The following MYT1L variants were observed in gnomAD, a reference collection of about 807,000 sequenced individuals.
The protein encoded by MYT1L is myelin transcription factor 1-like protein.
A neutral mutation model predicts 126.7 loss-of-function variants in MYT1L; 12 were observed. The observed-to-expected ratio is 0.09, with a 90% confidence interval of 0.06 to 0.15. MYT1L has a LOEUF of 0.15. Ranked by LOEUF, MYT1L falls within the 10% of genes least tolerant of loss-of-function variation. The probability of loss-of-function intolerance (pLI) is 1.00; values close to 1 mark genes in which losing one functional copy is unlikely to be tolerated. For synonymous variants in MYT1L, 541 were observed against 604.2 expected (o/e 0.90, Z 1.53); for missense variants, 979 against 1,585.2 (o/e 0.62, Z 6.49).
At chr2:2,075,065 G>C (rs997192421) in intron 3 of MYT1L, among the ~76,000 whole-genome samples, 1 of 152,114 alleles carries the variant, frequency 6.6e-6, no homozygotes, top group Admixed American at 6.5e-5. Context: ...TTTCAAACCT[G>C]GGAGTCAAGC....
chr2:2,052,535 T>A (rs1291204141), intron 4 of MYT1L, among the ~76,000 whole-genome samples: 1 of 152,216 alleles, frequency 6.6e-6, no homozygotes, highest in African/African-American at 2.4e-5. Flanking sequence ...TTGCAAATCA[T>A]ATATATGATA....
chr2:1,905,297 AC>A (rs1323455572), intron 13 of MYT1L, among the ~76,000 whole-genome samples: 1 of 152,198 alleles, frequency 6.6e-6, no homozygotes, highest in Non-Finnish European at 1.5e-5. Flanking sequence ...GCAGGAAAAA[AC>A]AAAAGGTGGT....
intron 3 of MYT1L, among the ~76,000 whole-genome samples, chr2:2,150,574 A>G (rs1559153360): frequency 6.6e-6 from 1 of 152,204 alleles, no homozygotes; most frequent in Admixed American, 6.6e-5. Context: ...AGTTTTGACT[A>G]AATTACAATT....
chr2:1,863,635 G>A lies in MYT1L; in HGVS notation c.2712-11932C>T, dbSNP rs190531809. ...CGGAAGGATAGAAATGGCATGTCCC[G>A]CTCCAGCCCGACCCCAGGAGGGATA... On this transcript the variant is annotated intron_variant, in intron 18 of 24. Transcript: ENST00000647738. Among the ~76,000 whole-genome samples, 43 of 151,988 alleles carry A rather than the reference G, an allele frequency of 2.8e-4. 1 individual carries two copies. In the East Asian group the frequency reaches 7.0e-3, roughly 25 times the overall value.
At chr2:2,217,205 A>C (rs909427128) in intron 2 of MYT1L, among the ~76,000 whole-genome samples, 12 of 148,132 alleles carry the variant, frequency 8.1e-5, no homozygotes, top group Admixed American at 2.0e-4. Flanking sequence ...AAGATACCAC[A>C]AGATAAGAAA....
intron 3 of MYT1L, among the ~76,000 whole-genome samples, chr2:2,063,942 T>A (rs1194920657): frequency 6.6e-6 from 1 of 152,174 alleles, no homozygotes; most frequent in Non-Finnish European, 1.5e-5. Flanking sequence ...ACACTAAAGA[T>A]GTTAACACTA....
At position 1,867,384 on chromosome 2, in the gene MYT1L, C is replaced by T. The variant is rs145269066; in HGVS notation, c.2712-15681G>A. ...TGGCTCTCACCCCGGTGCCCCACAG[C>T]GCCCTTGCCTCCTGCCTATCCCATG... On this transcript the variant is annotated intron_variant, in intron 18 of 24. Transcript: ENST00000647738. Among the ~76,000 whole-genome samples the T allele has an allele frequency of 3.7e-3, 562 of 152,290 alleles. 2 individuals are homozygous for T. Among genetic ancestry groups the T allele is most frequent in the Non-Finnish European group, 3.7e-3 (250 of 68,016 alleles).
At chr2:1,936,479 G>A (rs565053572) in intron 9 of MYT1L, among the ~76,000 whole-genome samples, 21 of 152,250 alleles carry the variant, frequency 1.4e-4, no homozygotes, top group East Asian at 9.7e-4. Flanking sequence ...AAATGCCTCC[G>A]TGGATGCAGG....
intron 2 of MYT1L, among the ~76,000 whole-genome samples, chr2:2,235,729 A>G (rs2094280850): frequency 6.6e-6 from 1 of 152,164 alleles, no homozygotes; most frequent in Non-Finnish European, 1.5e-5. Context: ...TTGGTCATGT[A>G]CTAACTCCGG....
intron 9 of MYT1L, among the ~76,000 whole-genome samples, chr2:1,924,480 A>C (rs2053964410): frequency 6.6e-6 from 1 of 152,184 alleles, no homozygotes; most frequent in South Asian, 2.1e-4. Flanking sequence ...AGGTATATTG[A>C]CCTCTACAAA....
intron 2 of MYT1L, among the ~76,000 whole-genome samples, chr2:2,269,324 G>A (rs777909213): frequency 3.3e-5 from 5 of 152,168 alleles, no homozygotes; most frequent in African/African-American, 1.2e-4. Context: ...TGGACATGGT[G>A]GTTTACAAAG....
intron 3 of MYT1L, among the ~76,000 whole-genome samples, chr2:2,092,527 G>T (rs2077007740): frequency 6.6e-6 from 1 of 152,206 alleles, no homozygotes; most frequent in Non-Finnish European, 1.5e-5. Flanking sequence ...GCATGAGCAA[G>T]TGCTGTTGGA....
chr2:1,939,878 C>G lies in MYT1L; in HGVS notation c.505+3104G>C, dbSNP rs557570381. 5.3e-5 allele frequency among the ~76,000 whole-genome samples: 8 copies of G among 152,332 alleles called. No homozygotes were observed. The South Asian group carries it at 1.7e-3, about 32-fold the overall frequency. On this transcript the variant is annotated intron_variant, in intron 9 of 24. Coordinates refer to ENST00000647738, the MANE Select transcript of MYT1L (RefSeq NM_001303052.2). ...TCCTCCAATGGAGACGTCCTTCTCC[C>G]AGAGAAAGCCTTCGTGAGCGTGTCT... is the stretch of plus-strand genomic sequence containing the variant.
chr2:2,053,219 G>A (rs778131949), intron 4 of MYT1L, among the ~76,000 whole-genome samples: 3 of 152,224 alleles, frequency 2.0e-5, no homozygotes, highest in Admixed American at 6.5e-5. Flanking sequence ...CATATTCACA[G>A]AGAGAGAAAG....
At chr2:2,126,207 C>T (rs1379419861) in intron 3 of MYT1L, among the ~76,000 whole-genome samples, 2 of 152,154 alleles carry the variant, frequency 1.3e-5, no homozygotes, top group Non-Finnish European at 2.9e-5. Flanking sequence ...GCTCTAAGCC[C>T]ACGACTGCCT....
At chr2:2,050,288 A>G (rs1391215082) in intron 4 of MYT1L, among the ~76,000 whole-genome samples, 1 of 152,202 alleles carries the variant, frequency 6.6e-6, no homozygotes, top group Non-Finnish European at 1.5e-5. Flanking sequence ...GTCAAAGAAT[A>G]TAGATTTACA....
At chr2:2,275,716 A>T (rs960246423) in intron 2 of MYT1L, among the ~76,000 whole-genome samples, 20 of 152,142 alleles carry the variant, frequency 1.3e-4, no homozygotes, top group African/African-American at 4.3e-4. Context: ...CCACATATAC[A>T]CTGAGCATGC....
chr2:2,286,180 A>T (rs1013769711), intron 1 of MYT1L, among the ~76,000 whole-genome samples: 1 of 151,954 alleles, frequency 6.6e-6, no homozygotes, highest in African/African-American at 2.4e-5. Flanking sequence ...ACGGGGTTTC[A>T]CCATGTTGGT....
At chr2:1,903,948 T>TGC (rs1553309078) in intron 13 of MYT1L, among the ~76,000 whole-genome samples, 42 of 150,910 alleles carry the variant, frequency 2.8e-4, no homozygotes, top group African/African-American at 6.9e-4. Context: ...TGTGTGTGTG[T>TGC]GCGCGTGCGC....
Sources: allele counts gnomAD v4.1 joint callset (sites outside exome capture counted in the v4.1 genomes callset), GRCh38; gene constraint gnomAD v4.1.1; transcripts MANE v1.5; gene names NCBI Gene and HGNC (gene_info 2026-07-23, HGNC 2026-07-21).